The following SGK1 variants were observed in gnomAD, a reference collection of about 807,000 sequenced individuals.
The protein encoded by SGK1 is serine/threonine-protein kinase Sgk1.
In SGK1, 26 loss-of-function variants were observed where a neutral mutation model predicts 64.2. The ratio of observed to expected loss-of-function variants is 0.40; its 90% CI spans 0.30 to 0.56. The LOEUF (loss-of-function observed/expected upper bound fraction) is 0.56. Ranked by LOEUF, SGK1 falls within the 20% of genes least tolerant of loss-of-function variation. The pLI is 0.38. For missense variants in SGK1, 519 were observed against 645.6 expected (o/e 0.80, Z 2.12); for synonymous variants, 265 against 239.7 (o/e 1.11, Z -0.98).
chr6:134,251,749 C>T (rs1776608746), intron 2 of SGK1, among the ~76,000 whole-genome samples: 1 of 152,094 alleles, frequency 6.6e-6, no homozygotes, highest in Non-Finnish European at 1.5e-5. Context: ...AATTGTGTCT[C>T]TCTGTTTAAA....
At position 134,174,829 on chromosome 6, in the gene SGK1, A is replaced by G. The variant is rs766354979; in HGVS notation, c.362-243T>C. 29 of 1,613,864 alleles carry G rather than the reference A, an allele frequency of 1.8e-5. No homozygotes were observed. In the South Asian group the frequency reaches 2.2e-4, roughly 12 times the overall value. Reference sequence around the variant, plus strand: ...TCATCACCACCGCGGGGAGACAGAAAGACGTTAGCGCTCAAAGACCGGCTC... The same window carrying G: ...TCATCACCACCGCGGGGAGACAGAAGGACGTTAGCGCTCAAAGACCGGCTC... On this transcript the variant is annotated intron_variant, in intron 3 of 13. Coordinates refer to ENST00000367858, the MANE Select transcript of SGK1 (RefSeq NM_001143676.3).
rs1777705410 is a variant in SGK1 at position 134,317,549 on chromosome 6, A to T, written c.-89T>A. 1 of 824,224 alleles carries T rather than the reference A, an allele frequency of 1.2e-6. No individual in the cohort carries two copies. The highest frequency in any genetic ancestry group is 1.7e-5 in the African/African-American group (1 of 59,964). 51.1% of individuals were successfully genotyped at this position (824,224 alleles called of 1,614,324 possible). On this transcript the variant is annotated 5_prime_UTR_variant, in exon 1 of 14. Transcript: ENST00000367858. ...TGTTTCCCCGGTTTACCTCCTGCAG[A>T]CAGTTAATGAAGACTGAGCGGGATG...
rs1271792617 is a variant in SGK1, at chr6:134,271,331, G to A, written c.70-9183C>T. On this transcript the variant is annotated intron_variant, in intron 1 of 13. Transcript: ENST00000367858. ...TGTCTCAAAAAAAAAAAAAAATTGT[G>A]GGACTCATTCTTTTCGTTTGAATTT... is the stretch of plus-strand genomic sequence containing the variant. Among the ~76,000 whole-genome samples the A allele has an allele frequency of 4.8e-5, 7 of 145,668 alleles. 1 individual carries two copies. The highest frequency in any genetic ancestry group is 1.7e-4 in the African/African-American group (7 of 40,618).
chr6:134,280,324 TACTC>T (rs892592369), intron 1 of SGK1, among the ~76,000 whole-genome samples: 1 of 152,196 alleles, frequency 6.6e-6, no homozygotes, highest in Non-Finnish European at 1.5e-5. Context: ...TTACCTATCT[TACTC>T]ACGGCTGTCT....
At chr6:134,175,240 C>T (rs1329324072) in intron 3 of SGK1, among the ~76,000 whole-genome samples, 1 of 152,204 alleles carries the variant, frequency 6.6e-6, no homozygotes, top group Admixed American at 6.5e-5. Flanking sequence ...CGAAGCGCTT[C>T]CCGGCGGGTG....
intron 2 of SGK1, among the ~76,000 whole-genome samples, chr6:134,210,961 C>T (rs1775880125): frequency 6.6e-6 from 1 of 151,744 alleles, no homozygotes; most frequent in African/African-American, 2.4e-5. Context: ...CCCGTCTCTA[C>T]TAAGAATACA....
intron 2 of SGK1, among the ~76,000 whole-genome samples, chr6:134,236,694 G>A (rs1300400006): frequency 6.6e-6 from 1 of 152,082 alleles, no homozygotes; most frequent in African/African-American, 2.4e-5. Context: ...ACCATTAAGG[G>A]ATGACTAATT....
chr6:134,291,869 T>A (rs1777270438), intron 1 of SGK1, among the ~76,000 whole-genome samples: 1 of 152,154 alleles, frequency 6.6e-6, no homozygotes, highest in African/African-American at 2.4e-5. Flanking sequence ...GAGACCAGCC[T>A]GACCAACATG....
In SGK1 at chr6:134,173,032, A is replaced by G. The variant is rs1471404125; in HGVS notation, c.825T>C (p.Asn275=). The G allele has an allele frequency of 1.9e-6, 3 of 1,613,554 alleles. No homozygotes were observed. Among genetic ancestry groups the G allele is most frequent in the East Asian group, 2.2e-5 (1 of 44,876 alleles). ...TATCCCCCCTGCTCACCTCTCCACC[A>G]TTAATGTAGTCTAGGACAAAGTACA... ...DKLYFVLDYI[N]GGELFYHLQR... The change falls in exon 8 of 14, where the codon AAT becomes AAC. Residue 275 remains asparagine (N), a synonymous_variant. Coordinates refer to ENST00000367858, the MANE Select transcript of SGK1 (RefSeq NM_001143676.3).
chr6:134,208,587 G>A (rs1027894859), intron 2 of SGK1, among the ~76,000 whole-genome samples: 6 of 151,834 alleles, frequency 4.0e-5, no homozygotes, highest in Admixed American at 1.3e-4. Flanking sequence ...ATGCCTTTGC[G>A]TCCTCATGGC....
At chr6:134,250,932 G>A (rs1394901940) in intron 2 of SGK1, among the ~76,000 whole-genome samples, 2 of 151,904 alleles carry the variant, frequency 1.3e-5, no homozygotes, top group Admixed American at 6.6e-5. Flanking sequence ...TACTATACAC[G>A]GCTAATTTAT....
At chr6:134,173,731 A>C (rs1775114792) in intron 5 of SGK1, 165 bp from the exon 6 acceptor site, 4 of 616,314 alleles carry the variant, frequency 6.5e-6, no homozygotes, top group Middle Eastern at 4.4e-4. Flanking sequence ...ATGAGTATGG[A>C]AACTGCACAC....
intron 1 of SGK1, among the ~76,000 whole-genome samples, chr6:134,296,637 A>C (rs572997220): frequency 6.6e-6 from 1 of 152,026 alleles, no homozygotes; most frequent in Non-Finnish European, 1.5e-5. Context: ...TTTGTCAATT[A>C]AGTGTTTTGG....
intron 1 of SGK1, among the ~76,000 whole-genome samples, chr6:134,286,732 G>T (rs1367977104): frequency 6.6e-6 from 1 of 152,094 alleles, no homozygotes; most frequent in Non-Finnish European, 1.5e-5. Context: ...CTCCCAAAGT[G>T]CTGAGATTAC....
chr6:134,297,367 G>A, intron 1 of SGK1: 1 of 887,478 alleles, frequency 1.1e-6, no homozygotes, highest in Non-Finnish European at 1.8e-6. Flanking sequence ...AGCTCAGACA[G>A]CTTGGCGTTG....
intron 3 of SGK1, among the ~76,000 whole-genome samples, chr6:134,176,677 C>T (rs1291028630): frequency 6.6e-6 from 1 of 152,270 alleles, no homozygotes; most frequent in African/African-American, 2.4e-5. Context: ...AAGTTGCCTA[C>T]TGGATCTGGC....
intron 2 of SGK1, among the ~76,000 whole-genome samples, chr6:134,228,838 GTTCTTTTTT>G (rs1302902565): frequency 8.0e-6 from 1 of 124,886 alleles, no homozygotes; most frequent in East Asian, 2.3e-4. Context: ...TCTTGTAGTT[GTTCTTTTTT>G]TTTTTTTTTT....
At chr6:134,307,995 C>T (rs1307973187) in intron 1 of SGK1, among the ~76,000 whole-genome samples, 3 of 152,158 alleles carry the variant, frequency 2.0e-5, no homozygotes, top group Admixed American at 6.5e-5. Flanking sequence ...GCACCCAGCA[C>T]GTGTATATTC....
At chr6:134,189,182 A>G (rs544445267) in intron 3 of SGK1, among the ~76,000 whole-genome samples, 4 of 151,580 alleles carry the variant, frequency 2.6e-5, no homozygotes, top group Middle Eastern at 3.4e-3. Flanking sequence ...CAGATACTGC[A>G]TATTAACTAC....
Sources: allele counts gnomAD v4.1 joint callset (sites outside exome capture counted in the v4.1 genomes callset), GRCh38; gene constraint gnomAD v4.1.1; transcripts MANE v1.5; gene names NCBI Gene and HGNC (gene_info 2026-07-23, HGNC 2026-07-21).